TGIF2: variants seen among roughly 807,000 people sequenced by gnomAD.
TGIF2 encodes the protein TGFB induced factor homeobox 2, also known as homeobox protein TGIF2.
A neutral mutation model predicts 15.1 loss-of-function variants in TGIF2; 5 were observed. The observed-to-expected ratio is 0.33, with a 90% CI of 0.17 to 0.70. The LOEUF is 0.70. Among genes scored for constraint, TGIF2 ranks in the 30% least tolerant of loss-of-function variants. The pLI, the probability that TGIF2 is intolerant of heterozygous loss-of-function variation, is 0.67. For missense variants in TGIF2, 264 were observed against 302.5 expected (o/e 0.87, Z 0.94); for synonymous variants, 131 against 128.9 (o/e 1.02, Z -0.11).
At chr20:36,579,309 T>G (rs1275100569) in intron 2 of TGIF2, among the ~76,000 whole-genome samples, 1 of 152,032 alleles carries the variant, frequency 6.6e-6, no homozygotes, top group African/African-American at 2.4e-5. Context: ...CTAGCTGGGA[T>G]TACAGGCGCC....
chr20:36,590,881 A>G (rs1428195645), intron 2 of TGIF2, 29 bp from the exon 3 acceptor site: 4 of 1,503,048 alleles, frequency 2.7e-6, no homozygotes, highest in Middle Eastern at 1.8e-4. Flanking sequence ...AGATTAAGCA[A>G]ATTGATCGGT....
chr20:36,582,352 A>T (rs186239802), intron 2 of TGIF2, among the ~76,000 whole-genome samples: 4 of 151,314 alleles, frequency 2.6e-5, no homozygotes, highest in East Asian at 1.9e-4. Context: ...TATATATATA[A>T]AAAAAAAACC....
intron 2 of TGIF2, among the ~76,000 whole-genome samples, chr20:36,580,743 G>A (rs1216290671): frequency 1.4e-5 from 2 of 147,902 alleles, no homozygotes; most frequent in African/African-American, 5.0e-5. Flanking sequence ...GAGCCCTGGA[G>A]GTGGAGGCTG....
intron 2 of TGIF2, among the ~76,000 whole-genome samples, chr20:36,589,499 T>G (rs1470472617): frequency 1.3e-5 from 2 of 151,938 alleles, no homozygotes; most frequent in Non-Finnish European, 2.9e-5. Flanking sequence ...TTCAAGCAGT[T>G]CTCCTGCCTC....
At position 36,574,389 on chromosome 20, in the gene TGIF2, G is replaced by A. The variant is rs559879196; in HGVS notation, c.-35+644G>A. Reference sequence around the variant, plus strand: ...GATCCAAGCCTCCCGCGGGAGAAGCGCGTAGTCTCCGGGGCAGGGGGCGGC... The same window carrying A: ...GATCCAAGCCTCCCGCGGGAGAAGCACGTAGTCTCCGGGGCAGGGGGCGGC... On this transcript the variant is annotated intron_variant, in intron 1 of 2. Coordinates refer to ENST00000373872, the MANE Select transcript of TGIF2 (RefSeq NM_021809.7). 1.4e-4 allele frequency among the ~76,000 whole-genome samples: 21 copies of A among 146,862 alleles called. 1 individual carries two copies. In the South Asian group the frequency reaches 3.7e-3, roughly 26 times the overall value.
intron 2 of TGIF2, among the ~76,000 whole-genome samples, chr20:36,585,138 G>T (rs892522658): frequency 6.6e-6 from 1 of 151,990 alleles, no homozygotes; most frequent in African/African-American, 2.4e-5. Context: ...GGTGGAGATT[G>T]CCGTGAGCGA....
intron 1 of TGIF2, chr20:36,574,892 T>C (rs1248769675): frequency 6.6e-6 from 1 of 151,692 alleles, no homozygotes; most frequent in African/African-American, 2.4e-5. Flanking sequence ...GCTAGGGGAG[T>C]TGTCAGAAAG....
At chr20:36,581,942 A>G (rs59809190) in intron 2 of TGIF2, among the ~76,000 whole-genome samples, 2,796 of 152,216 alleles carry the variant, frequency 0.018, 85 homozygotes, top group African/African-American at 0.064. Flanking sequence ...CTTTTTAAAG[A>G]AAACATTTTT....
chr20:36,577,101 C>T (rs1268671749), intron 1 of TGIF2, among the ~76,000 whole-genome samples: 1 of 152,174 alleles, frequency 6.6e-6, no homozygotes, highest in Admixed American at 6.6e-5. Context: ...CAGCCTTGAA[C>T]TCCTGGGTTC....
chr20:36,582,413 C>G (rs2038565865), intron 2 of TGIF2, among the ~76,000 whole-genome samples: 1 of 151,888 alleles, frequency 6.6e-6, no homozygotes, highest in Non-Finnish European at 1.5e-5. Flanking sequence ...AAACTGTTTC[C>G]AAAGTAGATA....
intron 2 of TGIF2, among the ~76,000 whole-genome samples, chr20:36,582,468 T>C (rs971074965): frequency 6.6e-6 from 1 of 152,000 alleles, no homozygotes. Flanking sequence ...TAACTGAAAA[T>C]GGTGGGTGGT....
intron 2 of TGIF2, among the ~76,000 whole-genome samples, chr20:36,587,007 C>T (rs967082856): frequency 1.3e-5 from 2 of 152,304 alleles, no homozygotes; most frequent in South Asian, 2.1e-4. Flanking sequence ...ACCGGCTTTC[C>T]GGTTCCCAGC....
chr20:36,582,668 TGTAAG>T (rs1399029937), intron 2 of TGIF2, among the ~76,000 whole-genome samples: 1 of 152,280 alleles, frequency 6.6e-6, no homozygotes, highest in Admixed American at 6.5e-5. Context: ...GAAATGTAAA[TGTAAG>T]GAAAGGAAAC....
At position 36,591,414 on chromosome 20, in the gene TGIF2, T is replaced by C; in HGVS notation, c.697T>C (p.Ser233Pro). 1.2e-6 allele frequency: 2 copies of C among 1,607,222 alleles called. No homozygotes were observed. Among genetic ancestry groups the C allele is most frequent in the South Asian group, 1.1e-5 (1 of 90,868 alleles). ...PLLHTPIPLVSENPQ is the reference protein window; with the variant it reads ...PLLHTPIPLVPENPQ ...ACTGCACACTCCCATCCCTTTAGTCTCTGAAAATCCCCAGTAGGCATCTGC... is the reference window on the plus strand; with the variant it reads ...ACTGCACACTCCCATCCCTTTAGTCCCTGAAAATCCCCAGTAGGCATCTGC... The change falls in exon 3 of 3, where the codon TCT becomes CCT. Residue 233 changes from serine (S) to proline (P), a missense_variant. Ser to Pro is a moderately conservative substitution (Grantham distance 74). Transcript: ENST00000373872. The surrounding 1 kb of genome is among the most constrained non-coding windows in gnomAD (Gnocchi z 5.3).
At chr20:36,588,074 A>T (rs1288766916) in intron 2 of TGIF2, among the ~76,000 whole-genome samples, 1 of 146,082 alleles carries the variant, frequency 6.8e-6, no homozygotes, top group African/African-American at 2.8e-5. Flanking sequence ...TGTCTTTAAA[A>T]AAAAAAAAAA....
chr20:36,576,087 A>G (rs1285196971), intron 1 of TGIF2, among the ~76,000 whole-genome samples: 4 of 151,350 alleles, frequency 2.6e-5, no homozygotes, highest in Non-Finnish European at 4.4e-5. Context: ...GCGAGACTCC[A>G]TCTCAAAAAA....
At chr20:36,585,912 C>A (rs2038648429) in intron 2 of TGIF2, among the ~76,000 whole-genome samples, 1 of 152,154 alleles carries the variant, frequency 6.6e-6, no homozygotes, top group South Asian at 2.1e-4. Context: ...CCATTACTTC[C>A]TGGCTGTCAG....
At chr20:36,581,558 T>A (rs1274958112) in intron 2 of TGIF2, among the ~76,000 whole-genome samples, 2 of 152,128 alleles carry the variant, frequency 1.3e-5, no homozygotes, top group Admixed American at 6.6e-5. Flanking sequence ...CTTGTCACAC[T>A]CTATTGGAAT....
At position 36,586,698 on chromosome 20, in the gene TGIF2, C is replaced by CA. The variant is rs1042142268; in HGVS notation, c.193-4212_193-4211insA. Among the ~76,000 whole-genome samples the CA allele has an allele frequency of 6.9e-5, 10 of 145,672 alleles. No homozygotes were observed. In the South Asian group the frequency reaches 1.1e-3, roughly 17 times the overall value. Reference sequence around the variant, plus strand: ...CAAAGAAGTGAGACTCCATTTCCCCCCCCCCAAAAAAAAAAATCTCCCCTA... The same window carrying CA: ...CAAAGAAGTGAGACTCCATTTCCCCCACCCCCAAAAAAAAAAATCTCCCCTA... On this transcript the variant is annotated intron_variant, in intron 2 of 2. Coordinates refer to ENST00000373872, the MANE Select transcript of TGIF2 (RefSeq NM_021809.7).
Sources: allele counts gnomAD v4.1 joint callset (sites outside exome capture counted in the v4.1 genomes callset), GRCh38; gene constraint gnomAD v4.1.1; non-coding constraint Gnocchi (gnomAD v3.1); transcripts MANE v1.5; gene names NCBI Gene and HGNC (gene_info 2026-07-23, HGNC 2026-07-21).